The following RRBP1 variants were observed in gnomAD, a reference collection of about 807,000 sequenced individuals.
RRBP1 encodes ribosome binding protein 1.
A neutral mutation model predicts 165.2 loss-of-function variants in RRBP1; 94 were observed. The observed-to-expected ratio is 0.57, with a 90% CI of 0.48 to 0.68. The LOEUF (loss-of-function observed/expected upper bound fraction) is 0.68, where lower values mean the gene tolerates loss of function less well. Ranked by LOEUF, RRBP1 falls within the 30% of genes least tolerant of loss-of-function variation. RRBP1 has a pLI of 0.00. For synonymous variants in RRBP1, 680 were observed against 714.5 expected, an observed-to-expected ratio of 0.95 and a Z score of 0.77; for missense variants, 1,676 against 1,763.0, an observed-to-expected ratio of 0.95 and a Z score of 0.88.
rs1395035688 is a variant in RRBP1 at position 17,659,877 on chromosome 20, T to C, written c.631A>G (p.Lys211Glu). 6.4e-7 allele frequency: 1 copy of C among 1,552,500 alleles called. No homozygotes were observed. The highest frequency in any genetic ancestry group is 2.0e-5 in the Admixed American group (1 of 51,064). ...KAEGTQNQSK[K>E]AEGAPNQGRK... is the part of the protein sequence containing the mutation. ...CCCTGGTTTGGGGCTCCTTCAGCCT[T>C]TTTGCTTTGATTCTGAGTCCCCTCC... Residue 211 changes from lysine (K) to glutamate (E), a missense_variant, in exon 3 of 25, where the codon AAG becomes GAG. Around this residue, in one of 5 missense-constraint regions of RRBP1, gnomAD observed 392 missense variants for 382.5 expected, o/e 1.02. Coordinates refer to ENST00000377813, the MANE Select transcript of RRBP1 (RefSeq NM_001365613.2).
intron 2 of RRBP1, among the ~76,000 whole-genome samples, chr20:17,668,562 T>C (rs2036913580): frequency 6.6e-6 from 1 of 152,224 alleles, no homozygotes; most frequent in South Asian, 2.1e-4. Flanking sequence ...TTACAAATTA[T>C]CAGGAGACTG....
chr20:17,659,143 G>C lies in RRBP1; in HGVS notation c.1365C>G (p.Ala455=), dbSNP rs13037007. The change falls in exon 3 of 25, where the codon GCC becomes GCG. Residue 455 remains alanine, a synonymous_variant. Transcript: ENST00000377813. ...CCTCGGCCTTCTTGCCCTGGTTCTGGGCCCCCTCGGCCTTCTTGCCCTGGT... is the reference window on the plus strand; with the variant it reads ...CCTCGGCCTTCTTGCCCTGGTTCTGCGCCCCCTCGGCCTTCTTGCCCTGGT... ...AQNQGKKAEG[A]QNQGKKAEGA... 6.5e-7 allele frequency: 1 copy of C among 1,548,588 alleles called. No individual in the cohort carries two copies. Among genetic ancestry groups the C allele is most frequent in the Non-Finnish European group, 8.7e-7 (1 of 1,146,202 alleles).
rs550346504 is a variant in RRBP1 at position 17,629,640 on chromosome 20, C to T, written c.2749+183G>A. ...GCGCCTATAGGCTGACTGCGCCCCC[C>T]GCCAGCCCCTGACTGGGCATAATCC... is the stretch of plus-strand genomic sequence containing the variant. On this transcript the variant is annotated intron_variant, in intron 9 of 24. Coordinates refer to ENST00000377813, the MANE Select transcript of RRBP1 (RefSeq NM_001365613.2). Among the ~76,000 whole-genome samples, 31 of 152,244 alleles carry T rather than the reference C, an allele frequency of 2.0e-4. No individual in the cohort carries two copies. In the East Asian group the frequency reaches 5.0e-3, roughly 25 times the overall value.
Position 17,627,696 on chromosome 20 carries a change from A to G in RRBP1, c.2750-14T>C. On this transcript the variant is annotated splice_polypyrimidine_tract_variant and intron_variant, in intron 9 of 24. Coordinates refer to ENST00000377813, the MANE Select transcript of RRBP1 (RefSeq NM_001365613.2). ...TGCTGTGCAGCTCTGGTGCAGAGGA[A>G]GGGAAACGAGAAGTTAAGAGACTGC... 1 of 1,573,368 alleles carries G rather than the reference A, an allele frequency of 6.4e-7. No individual in the cohort carries two copies. Among genetic ancestry groups the G allele is most frequent in the Non-Finnish European group, 8.6e-7 (1 of 1,158,144 alleles).
rs778344501 is a variant in RRBP1 at position 17,619,619 on chromosome 20, G to A, written c.3675+14C>T. On this transcript the variant is annotated intron_variant, in intron 19 of 24. Transcript: ENST00000377813. ...TGCTGGGCAGGGGCTGCACTCCTTG[G>A]GGGGCAGACTCACCCCTGCCACCTC... 1 of 1,599,626 alleles carries A rather than the reference G, an allele frequency of 6.3e-7. No individual in the cohort carries two copies. The highest frequency in any genetic ancestry group is 1.3e-5 in the African/African-American group (1 of 74,842).
At chr20:17,678,509 A>G (rs2037123009) in intron 2 of RRBP1, among the ~76,000 whole-genome samples, 1 of 152,212 alleles carries the variant, frequency 6.6e-6, no homozygotes, top group Non-Finnish European at 1.5e-5. Context: ...ATCAACTGCC[A>G]CTAGTCAACT....
chr20:17,651,817 A>G (rs1045197715), intron 3 of RRBP1, among the ~76,000 whole-genome samples: 5 of 152,264 alleles, frequency 3.3e-5, no homozygotes, highest in Non-Finnish European at 5.9e-5. Flanking sequence ...TCTCTGTCAA[A>G]TACAGCCATG....
Position 17,637,832 on chromosome 20 carries a change from T to G in RRBP1, c.2185-1103A>C, listed in dbSNP as rs948827880. ...AGAGGCCCACAGGAACCTGCAGGTC[T>G]GCTTCACTGATTAGCTACAGAAGTG... On this transcript the variant is annotated intron_variant, in intron 5 of 24. Coordinates refer to ENST00000377813, the MANE Select transcript of RRBP1 (RefSeq NM_001365613.2). Among the ~76,000 whole-genome samples the G allele has an allele frequency of 7.9e-5, 12 of 152,128 alleles. No individual in the cohort carries two copies. In the East Asian group the frequency reaches 1.4e-3, roughly 17 times the overall value.
intron 13 of RRBP1, among the ~76,000 whole-genome samples, chr20:17,622,616 A>G (rs2035936761): frequency 6.6e-6 from 1 of 152,088 alleles, no homozygotes; most frequent in Non-Finnish European, 1.5e-5. Flanking sequence ...TCAGTCCTCA[A>G]CGAAGAGCCA....
intron 3 of RRBP1, among the ~76,000 whole-genome samples, chr20:17,649,743 A>C (rs2036523568): frequency 6.6e-6 from 1 of 152,048 alleles, no homozygotes; most frequent in Non-Finnish European, 1.5e-5. Flanking sequence ...CAGCCCCATT[A>C]GATTGCAGAA....
In RRBP1 at chr20:17,658,662, G is replaced by T; in HGVS notation, c.1846C>A (p.Pro616Thr). ...GGAGCCTCTTGCTTTGGTGCCTCTGGGCTCTGGGCCACATCTGTATTTCTG... is the reference window on the plus strand; with the variant it reads ...GGAGCCTCTTGCTTTGGTGCCTCTGTGCTCTGGGCCACATCTGTATTTCTG... ...QGRNTDVAQS[P>T]EAPKQEAPAK... The change falls in exon 3 of 25, where the codon CCA becomes ACA. Residue 616 changes from proline to threonine, a missense_variant. Physicochemically the swap from Pro to Thr is conservative, Grantham distance 38. Coordinates refer to ENST00000377813, the MANE Select transcript of RRBP1 (RefSeq NM_001365613.2). 1 of 1,614,062 alleles carries T rather than the reference G, an allele frequency of 6.2e-7. No individual in the cohort carries two copies. Among genetic ancestry groups the T allele is most frequent in the South Asian group, 1.1e-5 (1 of 91,078 alleles).
chr20:17,629,757 G>A, intron 9 of RRBP1, 66 bp downstream of exon 9: 2 of 1,510,640 alleles, frequency 1.3e-6, no homozygotes, highest in Non-Finnish European at 1.8e-6. Context: ...CTGGCAGTGG[G>A]GCTGGGCCGG....
In RRBP1 at chr20:17,669,382, C is replaced by T. The variant is rs543694108; in HGVS notation, c.-21-8854G>A. 3.9e-5 allele frequency among the ~76,000 whole-genome samples: 6 copies of T among 152,266 alleles called. No homozygotes were observed. In the East Asian group the frequency reaches 5.8e-4, roughly 15 times the overall value. On this transcript the variant is annotated intron_variant, in intron 2 of 24. Coordinates refer to ENST00000377813, the MANE Select transcript of RRBP1 (RefSeq NM_001365613.2). ...TATTGAGGAAGACAGCATGCCTATG[C>T]GGTAGGAATCAAGAACTGATGTCTC...
chr20:17,629,028 G>A (rs1005377107), intron 9 of RRBP1, among the ~76,000 whole-genome samples: 2 of 152,196 alleles, frequency 1.3e-5, no homozygotes, highest in African/African-American at 4.8e-5. Context: ...TGCCCACTGT[G>A]GCAGAGCTGA....
intron 8 of RRBP1, among the ~76,000 whole-genome samples, chr20:17,632,776 G>A (rs901625628): frequency 6.6e-6 from 1 of 152,194 alleles, no homozygotes; most frequent in African/African-American, 2.4e-5. Context: ...GCCAGCAGAC[G>A]GATGGGAATT....
intron 3 of RRBP1, among the ~76,000 whole-genome samples, chr20:17,654,587 G>C (rs541889193): frequency 4.3e-4 from 66 of 152,294 alleles, no homozygotes; most frequent in Non-Finnish European, 8.8e-4. Context: ...CCTTTCATCT[G>C]TCCTGAGCTT....
intron 19 of RRBP1, chr20:17,618,913 A>G (rs2035854681): frequency 1.5e-5 from 8 of 516,340 alleles, no homozygotes; most frequent in Non-Finnish European, 2.8e-5. Flanking sequence ...GGCCTTCACA[A>G]ATGTTTACTG....
rs2035786945 is a variant in RRBP1, at chr20:17,615,696, G to A, written c.3952-167C>T. On this transcript the variant is annotated intron_variant, in intron 22 of 24. Coordinates refer to ENST00000377813, the MANE Select transcript of RRBP1 (RefSeq NM_001365613.2). ...GGCCAGACCCACAAGTTCTGACCCA[G>A]CCCCAGGCCCTCAAGGCTCCTCAGG... is the stretch of plus-strand genomic sequence containing the variant. Among the ~76,000 whole-genome samples the A allele has an allele frequency of 2.0e-5, 3 of 152,198 alleles. No individual in the cohort carries two copies. The South Asian group carries it at 6.2e-4, about 31-fold the overall frequency.
intron 3 of RRBP1, among the ~76,000 whole-genome samples, chr20:17,656,953 CT>C (rs1373172412): frequency 6.6e-6 from 1 of 152,206 alleles, no homozygotes; most frequent in Non-Finnish European, 1.5e-5. Context: ...TAACAAGGTT[CT>C]TTATTACCTG....
Sources: allele counts gnomAD v4.1 joint callset (sites outside exome capture counted in the v4.1 genomes callset), GRCh38; gene constraint gnomAD v4.1.1; regional missense constraint gnomAD v4.1.1; transcripts MANE v1.5; gene names NCBI Gene and HGNC (gene_info 2026-07-23, HGNC 2026-07-21).